Variants in OPCML observed in about 807,000 individuals in gnomAD.
OPCML encodes the protein opioid-binding protein/cell adhesion molecule.
A neutral mutation model predicts 37.8 loss-of-function variants in OPCML; 13 were observed. The ratio of observed to expected loss-of-function variants is 0.34; its 90% CI spans 0.22 to 0.55. The LOEUF (loss-of-function observed/expected upper bound fraction) is 0.55, where lower values mean the gene tolerates loss of function less well. Among genes scored for constraint, OPCML ranks in the 20% least tolerant of loss-of-function variants. The pLI, the probability that OPCML is intolerant of heterozygous loss-of-function variation, is 0.91. For synonymous variants in OPCML, 176 were observed against 168.8 expected, an observed-to-expected ratio of 1.04 and a Z score of -0.33; for missense variants, 341 against 435.6, an observed-to-expected ratio of 0.78 and a Z score of 1.93.
chr11:133,362,578 T>C (rs1487494702), intron 1 of OPCML, among the ~76,000 whole-genome samples: 1 of 152,092 alleles, frequency 6.6e-6, no homozygotes, highest in Non-Finnish European at 1.5e-5. Flanking sequence ...AGATTCCATC[T>C]CTCTCTGATG....
Position 132,779,149 on chromosome 11 carries a change from A to T in OPCML, c.147-121830T>A, listed in dbSNP as rs528012081. On this transcript the variant is annotated intron_variant, in intron 2 of 7. Transcript: ENST00000524381. ...GCCCCAGCTCATTTTTGTATTTTTA[A>T]TAGACACAGGGTTTCGCCATGCTGG... Among the ~76,000 whole-genome samples, 6 of 151,768 alleles carry T rather than the reference A, an allele frequency of 4.0e-5. No individual in the cohort carries two copies. The South Asian group carries it at 1.3e-3, about 32-fold the overall frequency.
chr11:133,479,150 T>G (rs1371067705), intron 1 of OPCML, among the ~76,000 whole-genome samples: 1 of 152,234 alleles, frequency 6.6e-6, no homozygotes, highest in Non-Finnish European at 1.5e-5. Flanking sequence ...AGTTGGTCCA[T>G]GAGCTGCCTG....
intron 1 of OPCML, among the ~76,000 whole-genome samples, chr11:133,507,899 A>G (rs1948069145): frequency 6.6e-6 from 1 of 151,578 alleles, no homozygotes; most frequent in South Asian, 2.1e-4. Flanking sequence ...GTGAGCTGAG[A>G]TCACACCACT....
chr11:132,512,873 T>C (rs1340835800), intron 4 of OPCML, among the ~76,000 whole-genome samples: 1 of 151,892 alleles, frequency 6.6e-6, no homozygotes, highest in Non-Finnish European at 1.5e-5. Context: ...AGGGAAGCTT[T>C]TGAGGTAATG....
chr11:133,469,074 A>G (rs1947042433), intron 1 of OPCML, among the ~76,000 whole-genome samples: 1 of 152,154 alleles, frequency 6.6e-6, no homozygotes, highest in South Asian at 2.1e-4. Flanking sequence ...CTCCCAATAG[A>G]GAATCAGATC....
intron 1 of OPCML, among the ~76,000 whole-genome samples, chr11:133,246,199 A>T (rs1170648701): frequency 6.6e-6 from 1 of 152,252 alleles, no homozygotes; most frequent in Non-Finnish European, 1.5e-5. Flanking sequence ...TGAAGAGTTC[A>T]AAACTAATTC....
At chr11:133,124,678 C>T (rs1365806218) in intron 1 of OPCML, among the ~76,000 whole-genome samples, 1 of 152,144 alleles carries the variant, frequency 6.6e-6, no homozygotes, top group Non-Finnish European at 1.5e-5. Context: ...CCTCAGCCTT[C>T]ATCACGTTCT....
intron 3 of OPCML, among the ~76,000 whole-genome samples, chr11:132,644,983 G>A (rs946295930): frequency 1.3e-5 from 2 of 152,208 alleles, no homozygotes; most frequent in African/African-American, 4.8e-5. Context: ...GTTGCTAACT[G>A]GTCATTAATG....
chr11:133,139,388 T>C (rs1259256389), intron 1 of OPCML, among the ~76,000 whole-genome samples: 1 of 152,246 alleles, frequency 6.6e-6, no homozygotes, highest in African/African-American at 2.4e-5. Context: ...GCTCTATTAC[T>C]ATCCCCACTT....
chr11:132,948,180 G>A (rs1003903397), intron 1 of OPCML, among the ~76,000 whole-genome samples: 4 of 152,198 alleles, frequency 2.6e-5, no homozygotes, highest in Admixed American at 6.5e-5. Flanking sequence ...ACACAGAGAC[G>A]ACTGCCTTGA....
At chr11:132,686,384 G>T (rs1396967811) in intron 2 of OPCML, among the ~76,000 whole-genome samples, 1 of 152,172 alleles carries the variant, frequency 6.6e-6, no homozygotes, top group African/African-American at 2.4e-5. Context: ...CTGTCCTCAA[G>T]AACTACCAAG....
chr11:132,732,814 G>A (rs1243220895), intron 2 of OPCML, among the ~76,000 whole-genome samples: 1 of 151,034 alleles, frequency 6.6e-6, no homozygotes, highest in African/African-American at 2.5e-5. Flanking sequence ...TATGTCCATT[G>A]AATTCAGTAT....
In OPCML at chr11:132,896,634, C is replaced by T. The variant is rs1052581361; in HGVS notation, c.146+46292G>A. 5.9e-5 allele frequency among the ~76,000 whole-genome samples: 9 copies of T among 152,324 alleles called. No individual in the cohort carries two copies. In the East Asian group the frequency reaches 1.2e-3, roughly 20 times the overall value. On this transcript the variant is annotated intron_variant, in intron 2 of 7. Coordinates refer to ENST00000524381, the MANE Select transcript of OPCML (RefSeq NM_001012393.5). ...GTCTTACATCAGAGATATATCAACT[C>T]GCCAGCTTTATGTCACAATCCAGTT...
intron 3 of OPCML, among the ~76,000 whole-genome samples, chr11:132,582,983 C>T (rs1369683296): frequency 6.6e-6 from 1 of 151,484 alleles, no homozygotes; most frequent in African/African-American, 2.4e-5. Flanking sequence ...GTAGCTGAGA[C>T]TATAGATGCA....
chr11:133,425,965 C>A (rs546614502), intron 1 of OPCML, among the ~76,000 whole-genome samples: 27 of 152,178 alleles, frequency 1.8e-4, no homozygotes, highest in Non-Finnish European at 3.8e-4. Flanking sequence ...GGCAATGTGG[C>A]AAATATTTTC....
intron 1 of OPCML, among the ~76,000 whole-genome samples, chr11:133,135,803 G>A (rs929562763): frequency 2.6e-5 from 4 of 152,070 alleles, no homozygotes; most frequent in Non-Finnish European, 4.4e-5. Flanking sequence ...AGTTGTCTCC[G>A]CAAATAGCGG....
intron 3 of OPCML, among the ~76,000 whole-genome samples, chr11:132,607,926 G>A (rs1220052379): frequency 6.6e-6 from 1 of 152,150 alleles, no homozygotes; most frequent in Non-Finnish European, 1.5e-5. Flanking sequence ...GAGGAAATAA[G>A]AGCAAGTGTT....
At chr11:133,487,775 T>TTGTGTGTG (rs10625092) in intron 1 of OPCML, among the ~76,000 whole-genome samples, 51 of 147,452 alleles carry the variant, frequency 3.5e-4, no homozygotes, top group African/African-American at 1.1e-3. Flanking sequence ...TACTCTGTGT[T>TTGTGTGTG]TGTGTGTGTG....
At chr11:133,228,868 T>C (rs904536242) in intron 1 of OPCML, among the ~76,000 whole-genome samples, 3 of 152,188 alleles carry the variant, frequency 2.0e-5, no homozygotes, top group Non-Finnish European at 4.4e-5. Context: ...AGGAAATCAG[T>C]TTAAAGTGAC....
Sources: allele counts gnomAD v4.1 joint callset (sites outside exome capture counted in the v4.1 genomes callset), GRCh38; gene constraint gnomAD v4.1.1; transcripts MANE v1.5; gene names NCBI Gene and HGNC (gene_info 2026-07-23, HGNC 2026-07-21).